The following CSMD3 variants were observed in gnomAD, a reference collection of about 807,000 sequenced individuals.
CSMD3 encodes the protein CUB and sushi domain-containing protein 3.
In CSMD3, 177 loss-of-function variants were observed where a neutral mutation model predicts 435.2. The ratio of observed to expected loss-of-function variants is 0.41; its 90% confidence interval spans 0.36 to 0.46. The LOEUF is 0.46. Among genes scored for constraint, CSMD3 ranks in the 20% least tolerant of loss-of-function variants. The pLI, the probability that CSMD3 is intolerant of heterozygous loss-of-function variation, is 0.34. For missense variants in CSMD3, 4,265 were observed against 4,504.6 expected (o/e 0.95, Z 1.52); for synonymous variants, 1,656 against 1,520.5 (o/e 1.09, Z -2.07).
intron 1 of CSMD3, among the ~76,000 whole-genome samples, chr8:113,423,048 A>G (rs770815850): frequency 3.9e-5 from 6 of 152,090 alleles, no homozygotes; most frequent in Non-Finnish European, 7.4e-5. Flanking sequence ...TAGCCTGAAT[A>G]TAATTGTTTA....
At chr8:112,629,650 A>G (rs2074457468) in intron 22 of CSMD3, among the ~76,000 whole-genome samples, 1 of 152,184 alleles carries the variant, frequency 6.6e-6, no homozygotes, top group Non-Finnish European at 1.5e-5. Flanking sequence ...CCAACTCATG[A>G]AAGGACTTAA....
At chr8:112,914,973 T>G (rs2130570403) in intron 10 of CSMD3, among the ~76,000 whole-genome samples, 1 of 152,060 alleles carries the variant, frequency 6.6e-6, no homozygotes, top group Non-Finnish European at 1.5e-5. Flanking sequence ...GTGGAAAGGC[T>G]ATTAAGTCAT....
At position 112,536,261 on chromosome 8, in the gene CSMD3, G is replaced by A. The variant is rs571091146; in HGVS notation, c.4564+14410C>T. ...ACCTACAAAATGGGAGAAAATTTTC[G>A]CAACCTACTCATCTGACAAAGGGCT... On this transcript the variant is annotated intron_variant, in intron 27 of 70. Transcript: ENST00000297405. Among the ~76,000 whole-genome samples, 600 of 151,096 alleles carry A rather than the reference G, an allele frequency of 4.0e-3. 2 individuals carry two copies. The highest frequency in any genetic ancestry group is 0.012 in the African/African-American group (501 of 40,876).
chr8:112,266,565 C>T (rs1314882449), intron 59 of CSMD3, among the ~76,000 whole-genome samples: 1 of 152,180 alleles, frequency 6.6e-6, no homozygotes, highest in Non-Finnish European at 1.5e-5. Context: ...GCATTAAACT[C>T]TAAGCACAAG....
At chr8:112,684,041 T>G (rs2075959578) in intron 15 of CSMD3, among the ~76,000 whole-genome samples, 1 of 151,810 alleles carries the variant, frequency 6.6e-6, no homozygotes, top group Admixed American at 6.6e-5. Context: ...ATAAAATAAT[T>G]TGCACATTAT....
chr8:113,418,683 C>T (rs781308288), intron 1 of CSMD3, among the ~76,000 whole-genome samples: 9 of 152,148 alleles, frequency 5.9e-5, no homozygotes, highest in Non-Finnish European at 1.0e-4. Flanking sequence ...CACATGCTGT[C>T]TGTACTACTG....
chr8:113,233,422 AG>A (rs2093111822), intron 3 of CSMD3, among the ~76,000 whole-genome samples: 1 of 151,064 alleles, frequency 6.6e-6, no homozygotes, highest in Non-Finnish European at 1.5e-5. Context: ...ATGATTGTTC[AG>A]ATTAAAAAAT....
intron 56 of CSMD3, 28 bp from the exon 57 acceptor site, chr8:112,289,566 A>C (rs569049042): frequency 2.1e-6 from 3 of 1,458,076 alleles, no homozygotes; most frequent in African/African-American, 1.4e-5. Flanking sequence ...TAAATATAAA[A>C]TTTTTTTATA....
At chr8:113,377,419 T>A (rs2094392923) in intron 1 of CSMD3, among the ~76,000 whole-genome samples, 1 of 152,224 alleles carries the variant, frequency 6.6e-6, no homozygotes, top group African/African-American at 2.4e-5. Flanking sequence ...CTATTTCTTA[T>A]CAATTTTTGG....
chr8:112,265,193 C>T (rs191267575), intron 60 of CSMD3, among the ~76,000 whole-genome samples: 19 of 151,720 alleles, frequency 1.3e-4, no homozygotes, highest in African/African-American at 4.6e-4. Context: ...AGCTTATTGT[C>T]ATTACTCACA....
chr8:113,089,002 T>C (rs965575177), intron 5 of CSMD3, among the ~76,000 whole-genome samples: 1 of 152,168 alleles, frequency 6.6e-6, no homozygotes, highest in African/African-American at 2.4e-5. Context: ...TTCTGAGTCA[T>C]GACTCTGTCA....
intron 13 of CSMD3, among the ~76,000 whole-genome samples, chr8:112,733,532 G>A (rs1262420591): frequency 2.0e-5 from 3 of 151,832 alleles, no homozygotes; most frequent in African/African-American, 4.8e-5. Context: ...GCAAAAATGG[G>A]TTAAGCAACT....
intron 45 of CSMD3, among the ~76,000 whole-genome samples, chr8:112,323,137 A>T (rs1382903424): frequency 7.6e-6 from 1 of 131,392 alleles, no homozygotes; most frequent in Non-Finnish European, 1.6e-5. Flanking sequence ...TAAAGGGGAA[A>T]GGAGTAATGA....
At chr8:112,498,758 T>C (rs1586525433) in intron 30 of CSMD3, among the ~76,000 whole-genome samples, 1 of 152,256 alleles carries the variant, frequency 6.6e-6, no homozygotes, top group South Asian at 2.1e-4. Context: ...AAACAGGTCA[T>C]ATGTATAAGC....
At chr8:112,858,634 T>C (rs1426947890) in intron 11 of CSMD3, among the ~76,000 whole-genome samples, 2 of 151,882 alleles carry the variant, frequency 1.3e-5, no homozygotes, top group Non-Finnish European at 2.9e-5. Context: ...GTGTTACTCA[T>C]ATTAGAATCA....
At chr8:113,256,892 T>C (rs1031451048) in intron 3 of CSMD3, among the ~76,000 whole-genome samples, 7 of 152,182 alleles carry the variant, frequency 4.6e-5, no homozygotes, top group Admixed American at 1.3e-4. Flanking sequence ...AAATGCAGGC[T>C]CCTGAGCCCC....
In CSMD3 at chr8:112,794,285, C is replaced by CTTTTTTTTTTTTTTTTTTTTTTT. The variant is rs1203991072; in HGVS notation, c.1972+5854_1972+5876dup. On this transcript the variant is annotated intron_variant, in intron 13 of 70. Transcript: ENST00000297405. Reference sequence around the variant, plus strand: ...TTGCCCCAGATGCTGGACTGATAAACTTTTTTTTTTTTTTTTTTTTTTTTT... The same window carrying CTTTTTTTTTTTTTTTTTTTTTTT: ...TTGCCCCAGATGCTGGACTGATAAACTTTTTTTTTTTTTTTTTTTTTTTTTTTTTTTTTTTTTTTTTTTTTTTT... Among the ~76,000 whole-genome samples the CTTTTTTTTTTTTTTTTTTTTTTT allele has an allele frequency of 1.6e-4, 15 of 96,302 alleles. 6 individuals carry two copies. Among genetic ancestry groups the CTTTTTTTTTTTTTTTTTTTTTTT allele is most frequent in the African/African-American group, 4.7e-4 (12 of 25,776 alleles). 63.2% of individuals were successfully genotyped at this position (96,302 alleles called of 152,430 possible). A position where few individuals can be genotyped will look rare whatever the true frequency, so the allele number is the denominator to read the frequency against.
At chr8:113,135,274 A>G (rs1442024193) in intron 4 of CSMD3, among the ~76,000 whole-genome samples, 1 of 151,992 alleles carries the variant, frequency 6.6e-6, no homozygotes, top group Non-Finnish European at 1.5e-5. Context: ...TAAATTAGGA[A>G]TAATAAAATA....
chr8:112,433,218 C>T (rs1389354497), intron 32 of CSMD3, among the ~76,000 whole-genome samples: 2 of 149,278 alleles, frequency 1.3e-5, no homozygotes, highest in Non-Finnish European at 3.0e-5. Flanking sequence ...AATAACTTAG[C>T]ATTGCAAACA....
Sources: gnomAD v4.1 joint callset for allele counts (sites outside exome capture counted in the v4.1 genomes callset) on GRCh38, gnomAD v4.1.1 for gene constraint, MANE v1.5 for transcripts, NCBI Gene and HGNC (gene_info 2026-07-23, HGNC 2026-07-21) for gene names.